Variants in DOCK11 observed in about 807,000 individuals in gnomAD.
DOCK11 encodes dedicator of cytokinesis protein 11.
A neutral mutation model predicts 169.1 loss-of-function variants in DOCK11; 70 were observed. The observed-to-expected ratio is 0.41, with a 90% CI of 0.34 to 0.51. The LOEUF (loss-of-function observed/expected upper bound fraction) is 0.51. Ranked by LOEUF, DOCK11 falls within the 20% of genes least tolerant of loss-of-function variation. DOCK11 has a pLI of 0.10. For synonymous variants in DOCK11, 529 were observed against 541.3 expected, an observed-to-expected ratio of 0.98 and a Z score of 0.32; for missense variants, 1,166 against 1,538.8, an observed-to-expected ratio of 0.76 and a Z score of 4.05.
At chrX:118,641,932 T>G (rs2015544649) in intron 39 of DOCK11, among the ~76,000 whole-genome samples, 1 of 111,183 alleles carries the variant, frequency 9.0e-6, no homozygotes, top group East Asian at 2.8e-4. Flanking sequence ...TTTTTTTTCC[T>G]TTTTCCCCTC....
At chrX:118,677,487 T>C (rs1469968373) in intron 48 of DOCK11, among the ~76,000 whole-genome samples, 2 of 112,222 alleles carry the variant, frequency 1.8e-5, no homozygotes, top group Non-Finnish European at 3.8e-5. Flanking sequence ...AGGAAGCTCA[T>C]ATAAAGTTCA....
chrX:118,619,976 C>T (rs2014930843), intron 31 of DOCK11, among the ~76,000 whole-genome samples: 1 of 110,112 alleles, frequency 9.1e-6, no homozygotes, highest in Non-Finnish European at 1.9e-5. Flanking sequence ...CACCGTCATG[C>T]CCAGCTAATT....
chrX:118,557,512 T>A (rs1263659991), intron 6 of DOCK11, among the ~76,000 whole-genome samples: 1 of 110,504 alleles, frequency 9.0e-6, no homozygotes, highest in Admixed American at 9.6e-5. Flanking sequence ...CTCATGCCTG[T>A]AATCCCAACA....
chrX:118,656,354 A>G (rs999667072), intron 44 of DOCK11, among the ~76,000 whole-genome samples: 7 of 111,977 alleles, frequency 6.3e-5, no homozygotes, highest in Non-Finnish European at 1.3e-4. Flanking sequence ...CATTTTACTT[A>G]TATTTTAAAT....
chrX:118,643,686 A>T (rs927573549), intron 40 of DOCK11, 92 bp downstream of exon 40: 1 of 982,684 alleles, frequency 1.0e-6, no homozygotes, highest in African/African-American at 2.0e-5. Context: ...GACATATACA[A>T]TGCCAGCTCA....
chrX:118,534,004 T>C (rs2011668913), intron 1 of DOCK11, among the ~76,000 whole-genome samples: 1 of 112,588 alleles, frequency 8.9e-6, no homozygotes, highest in Non-Finnish European at 1.9e-5. Flanking sequence ...TTTTTCTTTC[T>C]GTCAATAATG....
intron 10 of DOCK11, among the ~76,000 whole-genome samples, chrX:118,571,587 C>G: frequency 9.0e-6 from 1 of 111,155 alleles, no homozygotes; most frequent in Non-Finnish European, 1.9e-5. Flanking sequence ...TGGCCTCAAG[C>G]GAAATTCCCT....
At chrX:118,681,281 T>G (rs1430384804) in intron 50 of DOCK11, 33 bp downstream of exon 50, 1 of 1,095,168 alleles carries the variant, frequency 9.1e-7, no homozygotes, top group Non-Finnish European at 1.2e-6. Flanking sequence ...ATTGAATGTT[T>G]CTTGATGTTT....
At chrX:118,498,463 A>G (rs938526861) in intron 1 of DOCK11, among the ~76,000 whole-genome samples, 1 of 112,535 alleles carries the variant, frequency 8.9e-6, no homozygotes, top group East Asian at 2.8e-4. Context: ...CATGGAATGT[A>G]TGCTCCTAAA....
At chrX:118,675,646 A>T (rs1321996296) in intron 46 of DOCK11, among the ~76,000 whole-genome samples, 1 of 110,079 alleles carries the variant, frequency 9.1e-6, no homozygotes, top group Non-Finnish European at 1.9e-5. Context: ...GATGACACAC[A>T]TCTATCTATG....
chrX:118,545,601 G>A (rs2012241562), intron 5 of DOCK11, among the ~76,000 whole-genome samples: 1 of 111,117 alleles, frequency 9.0e-6, no homozygotes, highest in Admixed American at 9.6e-5. Context: ...AATCAAGTGA[G>A]AGGGGCTATG....
intron 8 of DOCK11, 26 bp downstream of exon 8, chrX:118,566,208 T>C (rs202134195): frequency 2.6e-4 from 301 of 1,154,562 alleles, no homozygotes; most frequent in Non-Finnish European, 3.2e-4. Flanking sequence ...TGATTTATTA[T>C]TGAAGTAAAG....
chrX:118,546,713 G>T (rs2012295624), intron 6 of DOCK11, among the ~76,000 whole-genome samples: 1 of 112,046 alleles, frequency 8.9e-6, no homozygotes, highest in Admixed American at 9.5e-5. Context: ...ATTGGGCTGG[G>T]TGCAGTAGCT....
At chrX:118,520,400 G>GT (rs1337486541) in intron 1 of DOCK11, among the ~76,000 whole-genome samples, 1 of 112,504 alleles carries the variant, frequency 8.9e-6, no homozygotes, top group Non-Finnish European at 1.9e-5. Flanking sequence ...CTGCCTCATG[G>GT]TTACACATGG....
At chrX:118,533,381 A>G (rs1481844110) in intron 1 of DOCK11, among the ~76,000 whole-genome samples, 1 of 112,544 alleles carries the variant, frequency 8.9e-6, no homozygotes, top group Non-Finnish European at 1.9e-5. Context: ...ATTTCAATTA[A>G]TGGATAGATT....
chrX:118,587,996 AT>A, intron 16 of DOCK11, 140 bp from the exon 17 acceptor site: 8 of 556,846 alleles, frequency 1.4e-5, no homozygotes, highest in Middle Eastern at 4.9e-4. Context: ...TTGTCATGTG[AT>A]TTTTTTGGTC....
intron 1 of DOCK11, among the ~76,000 whole-genome samples, chrX:118,531,385 G>A (rs1303467883): frequency 1.3e-5 from 1 of 79,763 alleles, no homozygotes; most frequent in African/African-American, 5.1e-5. Flanking sequence ...AGCCCAGGAG[G>A]TTCGGGGCTG....
intron 30 of DOCK11, among the ~76,000 whole-genome samples, chrX:118,616,541 T>G (rs1327106995): frequency 1.8e-5 from 2 of 110,857 alleles, no homozygotes; most frequent in African/African-American, 6.5e-5. Context: ...TTTTTTTGTT[T>G]TTGTTTTTGT....
At chrX:118,618,463 C>A in intron 30 of DOCK11, 87 bp from the exon 31 acceptor site, 3 of 688,107 alleles carry the variant, frequency 4.4e-6, no homozygotes, top group Non-Finnish European at 6.2e-6. Flanking sequence ...CTAGCATGAT[C>A]ACATATTATT....
Sources: gnomAD v4.1 joint callset for allele counts (sites outside exome capture counted in the v4.1 genomes callset) on GRCh38, gnomAD v4.1.1 for gene constraint, MANE v1.5 for transcripts, NCBI Gene and HGNC (gene_info 2026-07-23, HGNC 2026-07-21) for gene names.